Variants in TMEM74 observed in about 807,000 individuals in gnomAD.
TMEM74 encodes transmembrane protein 74.
TMEM74 carries 13 observed loss-of-function variants against 18.1 expected under a neutral mutation model. The observed-to-expected ratio is 0.72, with a 90% CI of 0.47 to 1.14. The LOEUF (loss-of-function observed/expected upper bound fraction) is 1.14, where lower values mean the gene tolerates loss of function less well. TMEM74 is among the 50% of genes most tolerant of loss of function. The pLI, the probability that TMEM74 is intolerant of heterozygous loss-of-function variation, is 0.00. For synonymous variants in TMEM74, 159 were observed against 146.6 expected (o/e 1.08, Z -0.61); for missense variants, 372 against 375.9 (o/e 0.99, Z 0.09).
intron 1 of TMEM74, among the ~76,000 whole-genome samples, chr8:108,684,134 G>A (rs1296711553): frequency 1.3e-5 from 2 of 152,056 alleles, no homozygotes; most frequent in African/African-American, 2.4e-5. Context: ...TGGGGTTGCT[G>A]GATCATATGG....
chr8:108,775,780 T>C (rs374673304), downstream of TMEM74, among the ~76,000 whole-genome samples: 2 of 152,214 alleles, frequency 1.3e-5, no homozygotes, highest in South Asian at 2.1e-4. Flanking sequence ...AGAAATTCTT[T>C]CCTGAGCTCA....
chr8:108,628,546 G>A (rs1226658603), intron 2 of TMEM74, among the ~76,000 whole-genome samples: 2 of 151,968 alleles, frequency 1.3e-5, no homozygotes, highest in Admixed American at 6.6e-5. Flanking sequence ...TGAGCATTTG[G>A]TTTGGTTCCA....
At chr8:108,686,197 TTC>T (rs1813165906) in intron 1 of TMEM74, among the ~76,000 whole-genome samples, 1 of 152,164 alleles carries the variant, frequency 6.6e-6, no homozygotes, top group Non-Finnish European at 1.5e-5. Context: ...TGTTTTATAC[TTC>T]TTTTTTTGTT....
intron 2 of TMEM74, among the ~76,000 whole-genome samples, chr8:108,642,374 A>G (rs896152686): frequency 6.7e-6 from 1 of 150,220 alleles, no homozygotes; most frequent in Non-Finnish European, 1.5e-5. Flanking sequence ...ACTCCACCAC[A>G]GAGCGAGACT....
intron 1 of TMEM74, among the ~76,000 whole-genome samples, chr8:108,761,502 T>C (rs369298931): frequency 6.6e-6 from 1 of 152,132 alleles, no homozygotes; most frequent in Non-Finnish European, 1.5e-5. Context: ...GAAACAAAGA[T>C]GCAGTTTCCA....
chr8:108,778,482 A>G (rs1257554842), downstream of TMEM74, among the ~76,000 whole-genome samples: 1 of 152,206 alleles, frequency 6.6e-6, no homozygotes, highest in Non-Finnish European at 1.5e-5. Flanking sequence ...TGGTTAACAA[A>G]AGCCAAAAGA....
At chr8:108,774,402 A>C (rs1470790850), downstream of TMEM74, among the ~76,000 whole-genome samples, 1 of 152,198 alleles carries the variant, frequency 6.6e-6, no homozygotes, top group Non-Finnish European at 1.5e-5. Flanking sequence ...AGAGCCTTTA[A>C]CAGCCTAAGG....
intron 1 of TMEM74, among the ~76,000 whole-genome samples, chr8:108,680,317 C>A (rs1412296153): frequency 6.6e-6 from 1 of 152,166 alleles, no homozygotes; most frequent in Non-Finnish European, 1.5e-5. Context: ...GCTTATCCAC[C>A]ATGATCAAGT....
chr8:108,720,531 C>T (rs1813575192), intron 1 of TMEM74, among the ~76,000 whole-genome samples: 1 of 152,106 alleles, frequency 6.6e-6, no homozygotes, highest in Non-Finnish European at 1.5e-5. Flanking sequence ...TCCCCATAGC[C>T]ATTGTAGAAA....
At chr8:108,760,109 G>T (rs182794358) in intron 1 of TMEM74, among the ~76,000 whole-genome samples, 4 of 151,564 alleles carry the variant, frequency 2.6e-5, no homozygotes, top group African/African-American at 2.4e-5. Flanking sequence ...GGAGTTGGAG[G>T]TTGCTGTGAG....
intron 1 of TMEM74, among the ~76,000 whole-genome samples, chr8:108,669,168 GT>G (rs1046349710): frequency 2.7e-4 from 41 of 152,100 alleles, no homozygotes; most frequent in African/African-American, 8.2e-4. Context: ...GATCTCTCTC[GT>G]TTTTCAGGTT....
rs567549373 is a variant in TMEM74, at chr8:108,648,616, G to A, written n.264+6677C>T. 5.9e-5 allele frequency among the ~76,000 whole-genome samples: 9 copies of A among 152,176 alleles called. No individual in the cohort carries two copies. In the South Asian group the frequency reaches 1.5e-3, roughly 25 times the overall value. ...AGGAGACTCAGAGTCAGAGAAGATG[G>A]GGTAATGGAAGCCAGGGTAGCTGTC... is the stretch of plus-strand genomic sequence containing the variant. On this transcript the variant is annotated intron_variant and non_coding_transcript_variant, in intron 2 of 3. Coordinates refer to the TMEM74 transcript ENST00000518838.
intron 1 of TMEM74, among the ~76,000 whole-genome samples, chr8:108,787,149 T>G (rs1814396302): frequency 6.6e-6 from 1 of 152,126 alleles, no homozygotes; most frequent in African/African-American, 2.4e-5. Flanking sequence ...CCATCTGTCA[T>G]CAATTAAAAG....
chr8:108,619,960 T>G (rs1052987336), intron 2 of TMEM74, among the ~76,000 whole-genome samples: 1 of 152,284 alleles, frequency 6.6e-6, no homozygotes, highest in Middle Eastern at 3.4e-3. Context: ...TGCTGCCTCT[T>G]CTTTTTCTTC....
chr8:108,715,941 A>G (rs541610852), intron 1 of TMEM74, among the ~76,000 whole-genome samples: 1 of 152,240 alleles, frequency 6.6e-6, no homozygotes, highest in Non-Finnish European at 1.5e-5. Context: ...GCCATAGAAT[A>G]CAAGTTTACT....
chr8:108,770,605 C>G (rs1177371644), intron 1 of TMEM74, among the ~76,000 whole-genome samples: 1 of 152,112 alleles, frequency 6.6e-6, no homozygotes, highest in East Asian at 1.9e-4. Context: ...CTGACAGGTT[C>G]TTCTTTCTAC....
chr8:108,765,083 C>T lies in TMEM74; in HGVS notation n.119+22393G>A, dbSNP rs550809049. On this transcript the variant is annotated intron_variant and non_coding_transcript_variant, in intron 1 of 3. Coordinates refer to the TMEM74 transcript ENST00000518838. ...TTCAGGCACACAACTTCAACACATT[C>T]TCTGTGCTTGATTAACTTGTGGTTG... 8.5e-5 allele frequency among the ~76,000 whole-genome samples: 13 copies of T among 152,254 alleles called. No homozygotes were observed. The South Asian group carries it at 2.5e-3, about 29-fold the overall frequency.
chr8:108,631,424 T>G (rs934902971), intron 2 of TMEM74, among the ~76,000 whole-genome samples: 1 of 152,030 alleles, frequency 6.6e-6, no homozygotes. Context: ...CCGAGAATTT[T>G]TGAAGCATGG....
At chr8:108,622,732 A>G (rs2130544542) in intron 2 of TMEM74, among the ~76,000 whole-genome samples, 1 of 152,268 alleles carries the variant, frequency 6.6e-6, no homozygotes, top group East Asian at 1.9e-4. Context: ...TAAAATTTTG[A>G]AATGAGAGGA....
Sources: gnomAD v4.1 joint callset for allele counts (sites outside exome capture counted in the v4.1 genomes callset) on GRCh38, gnomAD v4.1.1 for gene constraint, MANE v1.5 for transcripts, NCBI Gene and HGNC (gene_info 2026-07-23, HGNC 2026-07-21) for gene names.